MYO18B: variants seen among roughly 807,000 people sequenced by gnomAD.
The protein encoded by MYO18B is myosin XVIIIB, also known as unconventional myosin-XVIIIb.
A neutral mutation model predicts 273.0 loss-of-function variants in MYO18B; 204 were observed. That is an observed-to-expected ratio of 0.75 (90% confidence interval 0.67 to 0.84). MYO18B has a LOEUF of 0.84. Ranked by LOEUF, MYO18B falls within the 40% of genes least tolerant of loss-of-function variation. The probability of loss-of-function intolerance (pLI) is 0.00; values close to 1 mark genes in which losing one functional copy is unlikely to be tolerated. For synonymous variants in MYO18B, 1,330 were observed against 1,305.7 expected (o/e 1.02, Z -0.40); for missense variants, 3,212 against 3,287.6 (o/e 0.98, Z 0.56).
chr22:25,880,019 A>G (rs1188714938), intron 25 of MYO18B, among the ~76,000 whole-genome samples: 1 of 152,154 alleles, frequency 6.6e-6, no homozygotes, highest in Non-Finnish European at 1.5e-5. Context: ...AGGGATTACA[A>G]TTTGATATGA....
In MYO18B at chr22:25,876,403, C is replaced by T. The variant is rs2091199896; in HGVS notation, c.4224+71C>T. ...CCCTGCTCCTCCTGTTTGCATCTAG[C>T]ACCCTGTGCCCCTATTCCTGAATGT... On this transcript the variant is annotated intron_variant, in intron 24 of 43. Transcript: ENST00000335473. 9 of 1,479,028 alleles carry T rather than the reference C, an allele frequency of 6.1e-6. No individual in the cohort carries two copies. In the Admixed American group the frequency reaches 6.4e-5, roughly 11 times the overall value. The allele number at this position is 1,479,028 out of a possible 1,614,324, so 91.6% of individuals were successfully genotyped here.
chr22:25,808,500 C>G (rs558904314), intron 12 of MYO18B, among the ~76,000 whole-genome samples: 64 of 152,320 alleles, frequency 4.2e-4, no homozygotes, highest in African/African-American at 1.5e-3. Context: ...AGTTCTTGCT[C>G]TTCTCCACTA....
At chr22:25,792,224 C>G (rs950975327) in intron 11 of MYO18B, among the ~76,000 whole-genome samples, 4 of 152,170 alleles carry the variant, frequency 2.6e-5, no homozygotes, top group African/African-American at 9.7e-5. Context: ...CTCTGAGTCT[C>G]CATTGCCTCC....
chr22:25,877,424 C>T (rs1011410423), intron 24 of MYO18B: 2 of 152,142 alleles, frequency 1.3e-5, no homozygotes, highest in African/African-American at 2.4e-5. Flanking sequence ...ATTAACAAAT[C>T]CATCACTTCA....
At position 25,873,286 on chromosome 22, in the gene MYO18B, G is replaced by A. The variant is rs376607428; in HGVS notation, c.3952-1000G>A. The stretch of plus-strand genomic sequence containing the variant: ...CCATCATCCATTATTGATGAGTTAC[G>A]GTCTGGAAATCGTGTACCGAGAGCT... On this transcript the variant is annotated intron_variant, in intron 22 of 43. Coordinates refer to ENST00000335473, the MANE Select transcript of MYO18B (RefSeq NM_032608.7). Among the ~76,000 whole-genome samples, 38 of 152,192 alleles carry A rather than the reference G, an allele frequency of 2.5e-4. No individual in the cohort carries two copies. The South Asian group carries it at 7.3e-3, about 29-fold the overall frequency.
chr22:25,810,544 C>A (rs541299993), intron 12 of MYO18B, among the ~76,000 whole-genome samples: 1 of 151,266 alleles, frequency 6.6e-6, no homozygotes, highest in South Asian at 2.1e-4. Flanking sequence ...AGCGATTCTC[C>A]TACCTCAGCC....
rs2086607854 is a variant in MYO18B at position 25,768,831 on chromosome 22, A to G, written c.915A>G (p.Glu305=). 6.2e-7 allele frequency: 1 copy of G among 1,611,964 alleles called. No individual in the cohort carries two copies. The change falls in exon 4 of 44, where the codon GAA becomes GAG. Residue 305 remains glutamate (E), a synonymous_variant. Transcript: ENST00000335473. ...KGNVSKDVGS[E]GKHVRPQIPG... Reference sequence around the variant, plus strand: ...ATGTCTCTAAGGACGTAGGGAGTGAAGGGAAGCACGTAAGGCCCCAAATCC... The same window carrying G: ...ATGTCTCTAAGGACGTAGGGAGTGAGGGGAAGCACGTAAGGCCCCAAATCC...
the MYO18B span, among the ~76,000 whole-genome samples, chr22:26,062,767 C>T: frequency 1.3e-5 from 2 of 152,178 alleles, no homozygotes; most frequent in African/African-American, 4.8e-5. Flanking sequence ...CCCCTGCTGG[C>T]TTTGAATCCT....
intron 17 of MYO18B, among the ~76,000 whole-genome samples, chr22:25,835,720 C>T (rs908220543): frequency 1.3e-5 from 2 of 152,250 alleles, no homozygotes; most frequent in East Asian, 1.9e-4. Context: ...CAAGCACATG[C>T]GTGCACAGTG....
intron 1 of MYO18B, among the ~76,000 whole-genome samples, chr22:25,756,086 A>G (rs752640794): frequency 6.6e-6 from 1 of 151,658 alleles, no homozygotes; most frequent in South Asian, 2.1e-4. Context: ...TTTAGTAGAG[A>G]TGGGGTTTCA....
At chr22:25,860,226 C>A (rs1325866097) in intron 21 of MYO18B, among the ~76,000 whole-genome samples, 1 of 152,138 alleles carries the variant, frequency 6.6e-6, no homozygotes, top group Non-Finnish European at 1.5e-5. Flanking sequence ...TTTCTTTCTG[C>A]CTCTTTATTC....
chr22:25,761,207 T>C, intron 2 of MYO18B, 76 bp downstream of exon 2: 2 of 1,540,806 alleles, frequency 1.3e-6, no homozygotes, highest in Non-Finnish European at 8.9e-7. Flanking sequence ...GTCCGACCTT[T>C]CCCACCTTGA....
intron 39 of MYO18B, among the ~76,000 whole-genome samples, chr22:25,973,353 G>A (rs73414079): frequency 0.017 from 2,562 of 152,258 alleles, 75 homozygotes; most frequent in African/African-American, 0.059. Flanking sequence ...TAGAACAATA[G>A]CACCTCTTAG....
At position 26,027,147 on chromosome 22, in the gene MYO18B, G is replaced by A. The variant is rs758667922; in HGVS notation, c.7173G>A (p.Val2391=). 1.2e-6 allele frequency: 2 copies of A among 1,614,000 alleles called. No individual in the cohort carries two copies. The highest frequency in any genetic ancestry group is 1.7e-6 in the Non-Finnish European group (2 of 1,179,898). The change falls in exon 43 of 44, where the codon GTG becomes GTA. Residue 2391 remains valine (V), a synonymous_variant. Coordinates refer to ENST00000335473, the MANE Select transcript of MYO18B (RefSeq NM_032608.7). This position sits in a 1 kb window ranked among gnomAD's most constrained non-coding sequence, Gnocchi z 4.1. ...GGAGGCGGTGTCTGGAGTCCTCTGTGGACGATGCGGGCTGTCCAGACCTTG... is the reference window on the plus strand; with the variant it reads ...GGAGGCGGTGTCTGGAGTCCTCTGTAGACGATGCGGGCTGTCCAGACCTTG... ...RPRRRCLESS[V]DDAGCPDLGK...
At chr22:25,784,203 T>C (rs4822651) in intron 10 of MYO18B, among the ~76,000 whole-genome samples, 143,311 of 152,302 alleles carry the variant, frequency 0.94, 67,697 homozygotes, top group Non-Finnish European at 0.98. Flanking sequence ...ATCTTTGAAT[T>C]GGGGCCCTGT....
intron 39 of MYO18B, among the ~76,000 whole-genome samples, chr22:25,986,259 G>C (rs896023011): frequency 1.3e-5 from 2 of 152,202 alleles, no homozygotes; most frequent in African/African-American, 4.8e-5. Context: ...TTACCTCTCA[G>C]CATGGAGCAG....
At chr22:25,853,258 ATCAGCACTGCAG>A (rs1444061082) in intron 21 of MYO18B, among the ~76,000 whole-genome samples, 1 of 140,952 alleles carries the variant, frequency 7.1e-6, no homozygotes, top group African/African-American at 2.5e-5. Flanking sequence ...GCCTGAGATC[ATCAGCACTGCAG>A]TCCTCAATGA....
At chr22:25,935,429 T>C (rs539583446) in intron 34 of MYO18B, among the ~76,000 whole-genome samples, 1 of 152,280 alleles carries the variant, frequency 6.6e-6, no homozygotes, top group Admixed American at 6.5e-5. Flanking sequence ...GGGGACATGC[T>C]TTGATTTCCA....
chr22:25,928,402 CAAAAAAAAAAAAAA>C (rs71311529), intron 34 of MYO18B, among the ~76,000 whole-genome samples: 1 of 48,068 alleles, frequency 2.1e-5, no homozygotes, highest in African/African-American at 7.6e-5. Context: ...GACCCGGCCT[CAAAAAAAAAAAAAA>C]AAAAAAAAGG....
Sources: allele counts gnomAD v4.1 joint callset (sites outside exome capture counted in the v4.1 genomes callset), GRCh38; gene constraint gnomAD v4.1.1; non-coding constraint Gnocchi (gnomAD v3.1); transcripts MANE v1.5; gene names NCBI Gene and HGNC (gene_info 2026-07-23, HGNC 2026-07-21).